Variants in PYROXD1 observed in about 807,000 individuals in gnomAD.
The protein encoded by PYROXD1 is tRNA ligase complex-associated NAD(P)H dehydrogenase PYROXD1.
Under a neutral mutation model 62.0 loss-of-function variants are expected in PYROXD1, and 42 were observed. That is an observed-to-expected ratio of 0.68 (90% CI 0.53 to 0.88). PYROXD1 has a LOEUF of 0.88. Among genes scored for constraint, PYROXD1 ranks in the 40% least tolerant of loss-of-function variants. The pLI, the probability that PYROXD1 is intolerant of heterozygous loss-of-function variation, is 0.00. For synonymous variants in PYROXD1, 170 were observed against 206.4 expected (o/e 0.82, Z 1.51); for missense variants, 493 against 604.8 (o/e 0.82, Z 1.94).
At chr12:21,442,899 A>T (rs761521872) in intron 2 of PYROXD1, among the ~76,000 whole-genome samples, 1 of 152,028 alleles carries the variant, frequency 6.6e-6, no homozygotes, top group Non-Finnish European at 1.5e-5. Context: ...CAGGGTCATT[A>T]TTGATTCTTT....
At chr12:21,464,741 TTA>T (rs1942760737) in intron 10 of PYROXD1, among the ~76,000 whole-genome samples, 1 of 146,998 alleles carries the variant, frequency 6.8e-6, no homozygotes, top group East Asian at 2.0e-4. Flanking sequence ...TTTTTTATTA[TTA>T]TATTTAAGTT....
chr12:21,442,203 A>G (rs1942308204), intron 2 of PYROXD1, among the ~76,000 whole-genome samples: 2 of 152,184 alleles, frequency 1.3e-5, no homozygotes, highest in Admixed American at 1.3e-4. Flanking sequence ...AGTGGTGCCT[A>G]TGGAGCAGAT....
At chr12:21,466,890 G>A (rs1191720169) in intron 10 of PYROXD1, among the ~76,000 whole-genome samples, 9 of 151,878 alleles carry the variant, frequency 5.9e-5, no homozygotes, top group South Asian at 2.1e-4. Flanking sequence ...GTCAAAGGCC[G>A]TGTTCTTTTA....
chr12:21,454,945 T>C (rs529820393), intron 5 of PYROXD1, 187 bp from the exon 6 acceptor site: 138 of 375,954 alleles, frequency 3.7e-4, no homozygotes, highest in African/African-American at 2.5e-3. Context: ...CAGATTCTTT[T>C]ACTATTCAAT....
chr12:21,443,857 G>T (rs7296273), intron 2 of PYROXD1, among the ~76,000 whole-genome samples: 74,870 of 151,944 alleles, frequency 0.49, 18,509 homozygotes, highest in Middle Eastern at 0.59. Flanking sequence ...ACATATGATA[G>T]CTTAGTACTT....
rs1591948579 is a variant in PYROXD1, at chr12:21,455,210, A to G, written c.567A>G (p.Ala189=). Residue 189 remains alanine (A), a synonymous_variant, in exon 6 of 12, where the codon GCA becomes GCG. Transcript: ENST00000240651. ...GGAATACTTTCTTCGATGCAGGAGC[A>G]GCTGAATTCTTGACTTCAAAGCTCA... ...AIGNTFFDAG[A]AEFLTSKLIA... 1 of 1,580,584 alleles carries G rather than the reference A, an allele frequency of 6.3e-7. No individual in the cohort carries two copies. The highest frequency in any genetic ancestry group is 2.3e-5 in the East Asian group (1 of 43,494).
intron 7 of PYROXD1, among the ~76,000 whole-genome samples, chr12:21,460,401 T>C (rs1459822364): frequency 6.7e-6 from 1 of 148,190 alleles, no homozygotes; most frequent in Admixed American, 6.8e-5. Flanking sequence ...TAAATTTTTA[T>C]TTATTTATTT....
At chr12:21,462,648 AGT>A in intron 9 of PYROXD1, 90 bp from the exon 10 acceptor site, 1 of 1,406,592 alleles carries the variant, frequency 7.1e-7, no homozygotes, top group African/African-American at 1.4e-5. Context: ...GAGCATGCAA[AGT>A]GTAACAATTT....
chr12:21,448,118 A>G (rs1942427161), intron 3 of PYROXD1: 9 of 670,946 alleles, frequency 1.3e-5, no homozygotes, highest in Admixed American at 1.9e-5. Flanking sequence ...ATGTTAATGC[A>G]TGTTCTCTTT....
rs1444054300 is a variant in PYROXD1, at chr12:21,469,302, A to G, written c.*548A>G. ...CAACTCTAGCCCACGGGTCTAATGC[A>G]GCCCAGAACAGCTTTGAATGCAGCC... is the stretch of plus-strand genomic sequence containing the variant. On this transcript the variant is annotated 3_prime_UTR_variant, in exon 12 of 12. Coordinates refer to ENST00000240651, the MANE Select transcript of PYROXD1 (RefSeq NM_024854.5). 1.3e-5 allele frequency: 2 copies of G among 152,980 alleles called. No individual in the cohort carries two copies. Among genetic ancestry groups the G allele is most frequent in the Admixed American group, 6.5e-5 (1 of 15,328 alleles). 9.5% of individuals were successfully genotyped at this position (152,980 alleles called of 1,614,324 possible). A position where few individuals can be genotyped will look rare whatever the true frequency, so the allele number is the denominator to read the frequency against.
chr12:21,466,827 C>T (rs182276731), intron 10 of PYROXD1, among the ~76,000 whole-genome samples: 175 of 152,118 alleles, frequency 1.2e-3, no homozygotes, highest in African/African-American at 4.0e-3. Flanking sequence ...TTTTGAGATA[C>T]GTCCCATCAA....
chr12:21,471,079 C>G lies in PYROXD1; in HGVS notation c.*2325C>G. 1.9e-6 allele frequency: 3 copies of G among 1,590,180 alleles called. No individual in the cohort carries two copies. The highest frequency in any genetic ancestry group is 2.6e-6 in the Non-Finnish European group (3 of 1,171,934). On this transcript the variant is annotated 3_prime_UTR_variant, in exon 12 of 12. Coordinates refer to ENST00000240651, the MANE Select transcript of PYROXD1 (RefSeq NM_024854.5). The stretch of plus-strand genomic sequence containing the variant: ...TTCAAATACGAAATGGTAGCATAAG[C>G]TGTAAAACTGTAGTCTTCTCTGCAG...
At chr12:21,460,903 TTTATA>T in intron 7 of PYROXD1, 117 bp from the exon 8 acceptor site, 1 of 618,120 alleles carries the variant, frequency 1.6e-6, no homozygotes, top group Non-Finnish European at 2.5e-6. Flanking sequence ...TGTGGTTTCA[TTTATA>T]TTATAAGAAT....
intron 10 of PYROXD1, among the ~76,000 whole-genome samples, chr12:21,466,275 G>T (rs1326798399): frequency 3.4e-5 from 5 of 146,376 alleles, no homozygotes; most frequent in East Asian, 2.0e-4. Context: ...CCATTTTCAC[G>T]ATATTGATTC....
chr12:21,460,942 A>G, intron 7 of PYROXD1, 83 bp from the exon 8 acceptor site: 3 of 832,838 alleles, frequency 3.6e-6, no homozygotes, highest in South Asian at 6.3e-5. Context: ...CATTTCTACA[A>G]GTATACGTTT....
rs903363202 is a variant in PYROXD1 at position 21,467,628 on chromosome 12, T to A, written c.1254+10T>A. 1.9e-6 allele frequency: 3 copies of A among 1,596,338 alleles called. No individual in the cohort carries two copies. In the African/African-American group the frequency reaches 4.0e-5, roughly 21 times the overall value. On this transcript the variant is annotated intron_variant, in intron 11 of 11. Transcript: ENST00000240651. ...ATTTTTTAACTATAAGGTAAGATAGTTAAGCATATTAATGCCTTCTCTGCT... is the reference window on the plus strand; with the variant it reads ...ATTTTTTAACTATAAGGTAAGATAGATAAGCATATTAATGCCTTCTCTGCT...
intron 8 of PYROXD1, 143 bp from the exon 9 acceptor site, chr12:21,461,864 AT>A (rs768319971): frequency 6.1e-5 from 27 of 442,460 alleles, no homozygotes; most frequent in Non-Finnish European, 1.0e-4. Context: ...ATGCCTCATA[AT>A]AATTGCTAAG....
intron 2 of PYROXD1, among the ~76,000 whole-genome samples, chr12:21,443,727 T>TA (rs1387513368): frequency 1.3e-5 from 2 of 152,204 alleles, no homozygotes; most frequent in African/African-American, 4.8e-5. Flanking sequence ...CTTCATTTAA[T>TA]ACGATGTCTC....
At chr12:21,449,538 C>CT in intron 3 of PYROXD1, 25 bp from the exon 4 acceptor site, 1 of 1,589,134 alleles carries the variant, frequency 6.3e-7, no homozygotes, top group Non-Finnish European at 8.5e-7. Flanking sequence ...TCTCCCTTTT[C>CT]TTTCATTGTT....
Sources: gnomAD v4.1 joint callset for allele counts (sites outside exome capture counted in the v4.1 genomes callset) on GRCh38, gnomAD v4.1.1 for gene constraint, MANE v1.5 for transcripts, NCBI Gene and HGNC (gene_info 2026-07-23, HGNC 2026-07-21) for gene names.